Variants in HEXD observed in about 807,000 individuals in gnomAD.
The protein encoded by HEXD is N-acetyl-beta-galactosaminidase.
In HEXD, 47 loss-of-function variants were observed where a neutral mutation model predicts 54.2. The observed-to-expected ratio is 0.87, with a 90% confidence interval of 0.69 to 1.11. The LOEUF (loss-of-function observed/expected upper bound fraction) is 1.11, where lower values mean the gene tolerates loss of function less well. HEXD is among the 50% of genes least tolerant of loss of function. The pLI is 0.00. For missense variants in HEXD, 576 were observed against 649.2 expected, an observed-to-expected ratio of 0.89 and a Z score of 1.23; for synonymous variants, 293 against 287.6, an observed-to-expected ratio of 1.02 and a Z score of -0.19.
intron 5 of HEXD, 104 bp from the exon 6 acceptor site, chr17:82,435,585 C>T: frequency 1.7e-6 from 2 of 1,201,382 alleles, no homozygotes; most frequent in Admixed American, 4.6e-5. Context: ...GGCCTCCTCC[C>T]CACAGGCAGC....
At chr17:82,422,705 G>A (rs1490394960) in intron 2 of HEXD, among the ~76,000 whole-genome samples, 4 of 152,192 alleles carry the variant, frequency 2.6e-5, no homozygotes, top group Non-Finnish European at 4.4e-5. Flanking sequence ...ATGAAAAGGC[G>A]TTCTGACAAA....
intron 2 of HEXD, among the ~76,000 whole-genome samples, chr17:82,420,768 A>G (rs1400120133): frequency 1.3e-5 from 2 of 152,124 alleles, no homozygotes; most frequent in Non-Finnish European, 2.9e-5. Context: ...GGGTTTCACC[A>G]CATTGGCCAG....
rs527474567 is a variant in HEXD, at chr17:82,434,208, G to A, written c.447+386G>A. Among the ~76,000 whole-genome samples the A allele has an allele frequency of 2.2e-4, 34 of 152,364 alleles. No homozygotes were observed. Among genetic ancestry groups the A allele is most frequent in the Admixed American group, 1.2e-3 (18 of 15,314 alleles). ...GTGAGCATAAGTCAGGGTGTAACTC[G>A]AGGGACACCCTTTTGTTGCTGAGAG... is the stretch of plus-strand genomic sequence containing the variant. On this transcript the variant is annotated intron_variant, in intron 5 of 12. Coordinates refer to ENST00000327949, the MANE Select transcript of HEXD (RefSeq NM_001330542.2). This position sits in a 1 kb window ranked among gnomAD's most constrained non-coding sequence, Gnocchi z 4.5.
rs754133229 is a variant in HEXD at position 82,441,272 on chromosome 17, C to CT, written c.1163+6_1163+7insT. ...GCGCTGCTGGAGGGCAACAGGTGAGCGTGTGGGTTAGGGGCAGGTGTGGGT... is the reference window on the plus strand; with the variant it reads ...GCGCTGCTGGAGGGCAACAGGTGAGCTGTGTGGGTTAGGGGCAGGTGTGGGT... On this transcript the variant is annotated splice_region_variant and intron_variant, in intron 11 of 12. Coordinates refer to ENST00000327949, the MANE Select transcript of HEXD (RefSeq NM_001330542.2). 2 of 1,374,866 alleles carry CT rather than the reference C, an allele frequency of 1.5e-6. No individual in the cohort carries two copies. The highest frequency in any genetic ancestry group is 8.8e-5 in the East Asian group (2 of 22,632). 85.2% of individuals were successfully genotyped at this position (1,374,866 alleles called of 1,614,324 possible). A position where few individuals can be genotyped will look rare whatever the true frequency, so the allele number is the denominator to read the frequency against.
chr17:82,440,503 C>T (rs773690571), intron 9 of HEXD: 15 of 367,470 alleles, frequency 4.1e-5, no homozygotes, highest in African/African-American at 8.7e-5. Context: ...ATCCGCCACC[C>T]GTGACTGGGG....
At chr17:82,422,694 G>A (rs1189962975) in intron 2 of HEXD, among the ~76,000 whole-genome samples, 1 of 152,182 alleles carries the variant, frequency 6.6e-6, no homozygotes, top group Non-Finnish European at 1.5e-5. Context: ...AGCAAACAGA[G>A]ATGAAAAGGC....
In HEXD at chr17:82,434,318, G is replaced by T. The variant is rs1029293503; in HGVS notation, c.447+496G>T. ...AGAGATGTGCCCCCTCCAACCCAGT[G>T]AGCCCCCACCCTTGCCCCTCCTGCC... On this transcript the variant is annotated intron_variant, in intron 5 of 12. Transcript: ENST00000327949. The surrounding 1 kb of genome is among the most constrained non-coding windows in gnomAD (Gnocchi z 4.5). Among the ~76,000 whole-genome samples the T allele has an allele frequency of 1.3e-5, 2 of 152,150 alleles. No homozygotes were observed. Among genetic ancestry groups the T allele is most frequent in the Non-Finnish European group, 2.9e-5 (2 of 68,032 alleles).
Position 82,418,595 on chromosome 17 carries a change from C to T in HEXD, c.-197C>T. 2 of 470,912 alleles carry T rather than the reference C, an allele frequency of 4.2e-6. No individual in the cohort carries two copies. Among genetic ancestry groups the T allele is most frequent in the East Asian group, 4.6e-5 (1 of 21,634 alleles). 29.2% of individuals were successfully genotyped at this position (470,912 alleles called of 1,614,324 possible). Reference sequence around the variant, plus strand: ...GGCGCAGGGACGCGAGTGCGACGCGCTCGGCCATCGGCCCCTGGGCTGGCG... The same window carrying T: ...GGCGCAGGGACGCGAGTGCGACGCGTTCGGCCATCGGCCCCTGGGCTGGCG... On this transcript the variant is annotated 5_prime_UTR_variant, in exon 1 of 13. Coordinates refer to ENST00000327949, the MANE Select transcript of HEXD (RefSeq NM_001330542.2).
chr17:82,432,931 T>TG (rs1343732509), intron 4 of HEXD, among the ~76,000 whole-genome samples: 1 of 145,678 alleles, frequency 6.9e-6, no homozygotes, highest in Non-Finnish European at 1.5e-5. Flanking sequence ...CCGGGCGTGG[T>TG]GGCGGGCGCC....
chr17:82,425,037 G>GAGGCTGGAGGAGGCCAGAGA (rs2053362031), intron 3 of HEXD, among the ~76,000 whole-genome samples: 1 of 148,366 alleles, frequency 6.7e-6, no homozygotes, highest in Non-Finnish European at 1.5e-5. Flanking sequence ...AAGGCTGGAG[G>GAGGCTGGAGGAGGCCAGAGA]AGGCTGGAGG....
chr17:82,430,255 A>C (rs2053538415), intron 4 of HEXD, among the ~76,000 whole-genome samples: 1 of 152,224 alleles, frequency 6.6e-6, no homozygotes, highest in Non-Finnish European at 1.5e-5. Flanking sequence ...AGTGATCGCC[A>C]CAAACCAGGT....
At chr17:82,435,116 A>G (rs1024895082) in intron 5 of HEXD, among the ~76,000 whole-genome samples, 1 of 152,340 alleles carries the variant, frequency 6.6e-6, no homozygotes, top group South Asian at 2.1e-4. Context: ...GTGCCACTGC[A>G]CTCCAGCCTG....
intron 4 of HEXD, among the ~76,000 whole-genome samples, chr17:82,431,745 T>C (rs1211084464): frequency 6.6e-6 from 1 of 152,146 alleles, no homozygotes; most frequent in Non-Finnish European, 1.5e-5. Flanking sequence ...ATATTCATAG[T>C]AGTTTTCTTG....
chr17:82,430,816 G>T (rs959925200), intron 4 of HEXD, among the ~76,000 whole-genome samples: 1 of 151,860 alleles, frequency 6.6e-6, no homozygotes, highest in African/African-American at 2.4e-5. Context: ...TAATTTGCAG[G>T]TATTCTCCCC....
intron 8 of HEXD, chr17:82,439,387 T>C (rs2053862130): frequency 1.0e-6 from 1 of 971,466 alleles, no homozygotes; most frequent in South Asian, 4.8e-5. Flanking sequence ...CCGGAGAGCA[T>C]TGCAGCAAGG....
Position 82,442,521 on chromosome 17 carries a change from G to A in HEXD, c.*137G>A. The A allele has an allele frequency of 6.3e-7, 1 of 1,592,122 alleles. No homozygotes were observed. Among genetic ancestry groups the A allele is most frequent in the Non-Finnish European group, 8.6e-7 (1 of 1,162,132 alleles). ...GTCTTGCCCACACTCAGTTCCTGAGGGCCCTGGGCAGCCCCTGGGGGAGAG... is the reference window on the plus strand; with the variant it reads ...GTCTTGCCCACACTCAGTTCCTGAGAGCCCTGGGCAGCCCCTGGGGGAGAG... On this transcript the variant is annotated 3_prime_UTR_variant, in exon 13 of 13. Coordinates refer to ENST00000327949, the MANE Select transcript of HEXD (RefSeq NM_001330542.2). This position sits in a 1 kb window ranked among gnomAD's most constrained non-coding sequence, Gnocchi z 6.8.
At chr17:82,433,128 ATTTTTTTTTTTTTTTTATATATATATT>A (rs1490668407) in intron 4 of HEXD, among the ~76,000 whole-genome samples, 5 of 13,074 alleles carry the variant, frequency 3.8e-4, no homozygotes, top group African/African-American at 1.9e-3. Context: ...ATATATATAT[ATTTTTTTTTTTTTTTTATATATATATT>A]TTTAGTCTGG....
At chr17:82,428,693 GGGCTGCA>G (rs1567886847) in intron 4 of HEXD, 48 bp downstream of exon 4, 1 of 1,542,590 alleles carries the variant, frequency 6.5e-7, no homozygotes, top group Non-Finnish European at 9.0e-7. Flanking sequence ...TGGGGTCCAG[GGGCTGCA>G]GGCTGGGCCA....
Position 82,433,123 on chromosome 17 carries a change from TATATA to T in HEXD, c.283-534_283-530del, listed in dbSNP as rs1190819474. Reference sequence around the variant, plus strand: ...ATATATATATATATATATATATATATATATATTTTTTTTTTTTTTTTATATATATA... The same window carrying T: ...ATATATATATATATATATATATATATTTTTTTTTTTTTTTTTATATATATA... On this transcript the variant is annotated intron_variant, in intron 4 of 12. Transcript: ENST00000327949. 4.5e-3 allele frequency among the ~76,000 whole-genome samples: 73 copies of T among 16,178 alleles called. 1 individual carries two copies. The highest frequency in any genetic ancestry group is 5.3e-3 in the Non-Finnish European group (62 of 11,704). 10.6% of individuals were successfully genotyped at this position (16,178 alleles called of 152,430 possible).
Sources: allele counts gnomAD v4.1 joint callset (sites outside exome capture counted in the v4.1 genomes callset), GRCh38; gene constraint gnomAD v4.1.1; non-coding constraint Gnocchi (gnomAD v3.1); transcripts MANE v1.5; gene names NCBI Gene and HGNC (gene_info 2026-07-23, HGNC 2026-07-21).